FUT9: variants seen among roughly 807,000 people sequenced by gnomAD.
The protein encoded by FUT9 is fucosyltransferase 9.
In FUT9, 15 loss-of-function variants were observed where a neutral mutation model predicts 29.7. That is an observed-to-expected ratio of 0.51 (90% confidence interval 0.34 to 0.78). The LOEUF (loss-of-function observed/expected upper bound fraction) is 0.78. Among genes scored for constraint, FUT9 ranks in the 30% least tolerant of loss-of-function variants. FUT9 has a pLI of 0.01. For synonymous variants in FUT9, 169 were observed against 153.7 expected, an observed-to-expected ratio of 1.10 and a Z score of -0.74; for missense variants, 319 against 425.4, an observed-to-expected ratio of 0.75 and a Z score of 2.20.
intron 1 of FUT9, among the ~76,000 whole-genome samples, chr6:96,078,134 T>C (rs927108097): frequency 6.6e-6 from 1 of 152,172 alleles, no homozygotes; most frequent in African/African-American, 2.4e-5. Context: ...ACTCTACTTG[T>C]TTTAATTTTT....
chr6:96,124,940 T>C (rs1772105871), intron 2 of FUT9, among the ~76,000 whole-genome samples: 1 of 152,194 alleles, frequency 6.6e-6, no homozygotes, highest in South Asian at 2.1e-4. Flanking sequence ...TACAACCTAT[T>C]CCAGCACCAT....
Position 96,203,911 on chromosome 6 carries a change from C to T in FUT9, c.756C>T (p.Tyr252=), listed in dbSNP as rs1488831365. 6.2e-7 allele frequency: 1 copy of T among 1,612,200 alleles called. No homozygotes were observed. ...TTGAAAATTCAATCCACAAGGATTA[C>T]ATCACGGAAAAGCTATACAATGCTT... The part of the protein sequence containing the change: ...LSFENSIHKD[Y]ITEKLYNAFL... The change falls in exon 3 of 3, where the codon TAC becomes TAT. Residue 252 remains tyrosine, a synonymous_variant. Coordinates refer to ENST00000302103, the MANE Select transcript of FUT9 (RefSeq NM_006581.4).
intron 1 of FUT9, among the ~76,000 whole-genome samples, chr6:96,039,324 C>T (rs941244886): frequency 6.6e-6 from 1 of 152,124 alleles, no homozygotes; most frequent in African/African-American, 2.4e-5. Flanking sequence ...AGGAACTTCA[C>T]AGTCCTCAGA....
rs1773810095 is a variant in FUT9 at position 96,205,396 on chromosome 6, G to C, written c.*1161G>C. The C allele has an allele frequency of 6.0e-6, 1 of 166,984 alleles. No individual in the cohort carries two copies. 10.3% of individuals were successfully genotyped at this position (166,984 alleles called of 1,614,324 possible). On this transcript the variant is annotated 3_prime_UTR_variant, in exon 3 of 3. Coordinates refer to ENST00000302103, the MANE Select transcript of FUT9 (RefSeq NM_006581.4). ...AATGCAATTGAATTCCCAGAAAAAT[G>C]ATTGTTTCAAGGAAGTGACAGTTCT...
Position 96,213,670 on chromosome 6 carries a change from G to A in FUT9, c.*9435G>A, listed in dbSNP as rs1773981865. The A allele has an allele frequency of 6.0e-6, 1 of 166,564 alleles. No individual in the cohort carries two copies. The highest frequency in any genetic ancestry group is 2.4e-5 in the African/African-American group (1 of 41,336). 10.3% of individuals were successfully genotyped at this position (166,564 alleles called of 1,614,324 possible). On this transcript the variant is annotated 3_prime_UTR_variant, in exon 3 of 3. Transcript: ENST00000302103. ...TGCAGACCCAATAGGGTTATTTTAA[G>A]CACACTAATTAGTCATCTGGATTTT...
chr6:96,120,269 C>CTTTTTTTTTTTTTTTTTTTTTTT (rs11347804), intron 2 of FUT9, among the ~76,000 whole-genome samples: 1 of 91,468 alleles, frequency 1.1e-5, no homozygotes, highest in South Asian at 4.6e-4. Context: ...TTTTTTCTTT[C>CTTTTTTTTTTTTTTTTTTTTTTT]TTTTTTTTTT....
chr6:96,112,343 T>A (rs1771825267), intron 1 of FUT9, among the ~76,000 whole-genome samples: 1 of 152,214 alleles, frequency 6.6e-6, no homozygotes. Flanking sequence ...GACAAATTTC[T>A]TCATTTACAA....
intron 2 of FUT9, among the ~76,000 whole-genome samples, chr6:96,188,056 C>T (rs1773436042): frequency 6.6e-6 from 1 of 152,112 alleles, no homozygotes; most frequent in Admixed American, 6.6e-5. Context: ...CCTTTCTACA[C>T]TCTCCTGATG....
chr6:96,039,907 A>G (rs1770427874), intron 1 of FUT9, among the ~76,000 whole-genome samples: 2 of 151,984 alleles, frequency 1.3e-5, no homozygotes, highest in African/African-American at 4.8e-5. Flanking sequence ...TTGGCTTAAA[A>G]TATGTTAGAA....
At chr6:96,078,931 A>T (rs1286219262) in intron 1 of FUT9, among the ~76,000 whole-genome samples, 1 of 152,064 alleles carries the variant, frequency 6.6e-6, no homozygotes, top group Non-Finnish European at 1.5e-5. Flanking sequence ...GCCGCCAACC[A>T]TTCTGTTTCT....
chr6:96,023,930 C>A (rs73549031), intron 1 of FUT9, among the ~76,000 whole-genome samples: 1,574 of 151,988 alleles, frequency 0.01, 27 homozygotes, highest in African/African-American at 0.037. Context: ...GTCCCTTTAG[C>A]ACTTCACTAC....
chr6:96,038,430 C>T (rs377168381), intron 1 of FUT9, among the ~76,000 whole-genome samples: 27 of 152,106 alleles, frequency 1.8e-4, no homozygotes, highest in African/African-American at 6.3e-4. Flanking sequence ...TGCCGTTATG[C>T]GTTAAAACTA....
At chr6:96,064,591 G>C (rs972479492) in intron 1 of FUT9, among the ~76,000 whole-genome samples, 4 of 151,054 alleles carry the variant, frequency 2.6e-5, no homozygotes, top group Non-Finnish European at 4.4e-5. Flanking sequence ...CACACACACT[G>C]ATCTACATTG....
In FUT9 at chr6:96,203,939, C is replaced by A; in HGVS notation, c.784C>A (p.Leu262Met). The A allele has an allele frequency of 6.2e-7, 1 of 1,613,208 alleles. No homozygotes were observed. Residue 262 changes from leucine to methionine, a missense_variant, in exon 3 of 3, where the codon CTG (leucine) becomes ATG (methionine). Leu to Met is a conservative substitution (Grantham distance 15, BLOSUM62 2). Transcript: ENST00000302103. ...CACGGAAAAGCTATACAATGCTTTTCTGGCTGGCTCTGTACCTGTTGTTCT... is the reference window on the plus strand; with the variant it reads ...CACGGAAAAGCTATACAATGCTTTTATGGCTGGCTCTGTACCTGTTGTTCT... ...YITEKLYNAFLAGSVPVVLGP... is the reference protein window; with the variant it reads ...YITEKLYNAFMAGSVPVVLGP...
At chr6:96,074,537 T>C (rs1771112726) in intron 1 of FUT9, among the ~76,000 whole-genome samples, 1 of 152,162 alleles carries the variant, frequency 6.6e-6, no homozygotes, top group African/African-American at 2.4e-5. Context: ...AGGGATAGGA[T>C]CATAACTGCT....
chr6:96,112,148 G>A (rs1771820681), intron 1 of FUT9, among the ~76,000 whole-genome samples: 1 of 152,182 alleles, frequency 6.6e-6, no homozygotes, highest in African/African-American at 2.4e-5. Flanking sequence ...GAGACACTTT[G>A]AAGTCAGGTT....
intron 2 of FUT9, among the ~76,000 whole-genome samples, chr6:96,189,069 T>C (rs1293213380): frequency 1.3e-5 from 2 of 151,912 alleles, no homozygotes; most frequent in African/African-American, 4.8e-5. Context: ...GTACTTGGGG[T>C]TTTGATTTAG....
At chr6:96,095,497 G>T (rs1466631300) in intron 1 of FUT9, among the ~76,000 whole-genome samples, 1 of 152,072 alleles carries the variant, frequency 6.6e-6, no homozygotes, top group African/African-American at 2.4e-5. Flanking sequence ...TTCAGACAAA[G>T]TATCAGTCCT....
chr6:96,123,025 G>A (rs920031160), intron 2 of FUT9, among the ~76,000 whole-genome samples: 7 of 122,070 alleles, frequency 5.7e-5, no homozygotes, highest in Admixed American at 5.6e-4. Context: ...GCGCCAATCC[G>A]CTCCAGCCTA....
Sources: gnomAD v4.1 joint callset for allele counts (sites outside exome capture counted in the v4.1 genomes callset) on GRCh38, gnomAD v4.1.1 for gene constraint, MANE v1.5 for transcripts, NCBI Gene and HGNC (gene_info 2026-07-23, HGNC 2026-07-21) for gene names.